The following CNTNAP2 variants were observed in gnomAD, a reference collection of about 807,000 sequenced individuals.
CNTNAP2 encodes contactin-associated protein-like 2.
Under a neutral mutation model 155.2 loss-of-function variants are expected in CNTNAP2, and 98 were observed. The ratio of observed to expected loss-of-function variants is 0.63; its 90% CI spans 0.54 to 0.75. The LOEUF is 0.75. CNTNAP2 is among the 30% of genes least tolerant of loss of function. The pLI is 0.00. For synonymous variants in CNTNAP2, 651 were observed against 631.2 expected (o/e 1.03, Z -0.47); for missense variants, 1,727 against 1,688.1 (o/e 1.02, Z -0.40).
At chr7:146,646,783 G>A (rs150715728) in intron 1 of CNTNAP2, among the ~76,000 whole-genome samples, 2,149 of 152,268 alleles carry the variant, frequency 0.014, 33 homozygotes, top group Middle Eastern at 0.051. Context: ...ATAATCACAT[G>A]CAAGAGAAGC....
intron 1 of CNTNAP2, among the ~76,000 whole-genome samples, chr7:146,582,160 T>G: frequency 6.6e-6 from 1 of 152,132 alleles, no homozygotes; most frequent in East Asian, 1.9e-4. Flanking sequence ...AAAAGTCTAG[T>G]CTGGAGTGGG....
chr7:147,102,272 T>A (rs958953298), intron 4 of CNTNAP2, among the ~76,000 whole-genome samples: 1 of 46,156 alleles, frequency 2.2e-5, no homozygotes, highest in African/African-American at 2.6e-4. Context: ...TAAATGTAGG[T>A]AGGCAAAAAG....
chr7:147,006,552 G>T (rs1197638733), intron 3 of CNTNAP2, among the ~76,000 whole-genome samples: 14 of 151,718 alleles, frequency 9.2e-5, no homozygotes, highest in Non-Finnish European at 1.0e-4. Flanking sequence ...ATAAATACAA[G>T]AATTAAATAG....
intron 1 of CNTNAP2, among the ~76,000 whole-genome samples, chr7:146,510,807 C>T (rs893455727): frequency 6.6e-6 from 1 of 151,852 alleles, no homozygotes; most frequent in Non-Finnish European, 1.5e-5. Flanking sequence ...TACATAAATG[C>T]TACTGAGTTT....
intron 13 of CNTNAP2, among the ~76,000 whole-genome samples, chr7:147,837,458 A>G (rs911672633): frequency 1.3e-5 from 2 of 152,092 alleles, no homozygotes; most frequent in African/African-American, 2.4e-5. Context: ...CAGCCAAACC[A>G]TATCATTCTG....
intron 13 of CNTNAP2, among the ~76,000 whole-genome samples, chr7:147,869,712 T>C (rs908344404): frequency 4.6e-5 from 7 of 152,284 alleles, no homozygotes; most frequent in African/African-American, 1.7e-4. Flanking sequence ...GTAGTTGTGG[T>C]TTTGCTTTTC....
intron 8 of CNTNAP2, among the ~76,000 whole-genome samples, chr7:147,216,535 T>A (rs1803273534): frequency 6.8e-6 from 1 of 146,052 alleles, no homozygotes; most frequent in Non-Finnish European, 1.5e-5. Flanking sequence ...TGCCTATTCC[T>A]TCACCAACAC....
At chr7:148,022,698 T>TA (rs1014028941) in intron 15 of CNTNAP2, among the ~76,000 whole-genome samples, 1 of 90,780 alleles carries the variant, frequency 1.1e-5, no homozygotes, top group African/African-American at 5.3e-5. Flanking sequence ...AGTTTGCTTT[T>TA]TTGTTTGTTT....
At chr7:147,304,453 CAGTATG>C (rs1207182237) in intron 9 of CNTNAP2, among the ~76,000 whole-genome samples, 8 of 152,074 alleles carry the variant, frequency 5.3e-5, no homozygotes, top group African/African-American at 1.4e-4. Flanking sequence ...TATGAGACAG[CAGTATG>C]ATTTTTAAAT....
At chr7:147,559,572 T>A (rs1800019175) in intron 11 of CNTNAP2, among the ~76,000 whole-genome samples, 1 of 152,044 alleles carries the variant, frequency 6.6e-6, no homozygotes, top group African/African-American at 2.4e-5. Context: ...AAGACAATGA[T>A]AAGGAGTTTT....
intron 12 of CNTNAP2, among the ~76,000 whole-genome samples, chr7:147,605,295 TA>T (rs1801039165): frequency 6.6e-6 from 1 of 152,110 alleles, no homozygotes; most frequent in South Asian, 2.1e-4. Flanking sequence ...GTAGACACAT[TA>T]ACATGAAACA....
chr7:147,551,667 C>T (rs1166098740), intron 11 of CNTNAP2, among the ~76,000 whole-genome samples: 4 of 152,150 alleles, frequency 2.6e-5, no homozygotes, highest in African/African-American at 9.7e-5. Context: ...AAATCAGATG[C>T]TAATATCTTG....
intron 12 of CNTNAP2, among the ~76,000 whole-genome samples, chr7:147,575,440 A>G (rs1287086661): frequency 1.5e-5 from 1 of 68,546 alleles, no homozygotes; most frequent in Non-Finnish European, 3.0e-5. Context: ...TGTGTGTGTG[A>G]GTGTGTGTAT....
At chr7:147,423,935 C>G (rs1797337141) in intron 10 of CNTNAP2, among the ~76,000 whole-genome samples, 1 of 152,190 alleles carries the variant, frequency 6.6e-6, no homozygotes, top group Admixed American at 6.5e-5. Context: ...TTGCTCCTCT[C>G]TCTTTCCTAA....
chr7:148,159,173 C>A (rs899555086), intron 17 of CNTNAP2, among the ~76,000 whole-genome samples: 1 of 152,144 alleles, frequency 6.6e-6, no homozygotes, highest in African/African-American at 2.4e-5. Flanking sequence ...GTGGGTCTCT[C>A]TTCCTTTCAT....
chr7:146,629,619 C>T (rs1421818156), intron 1 of CNTNAP2, among the ~76,000 whole-genome samples: 1 of 152,048 alleles, frequency 6.6e-6, no homozygotes, highest in Admixed American at 6.6e-5. Flanking sequence ...TTTCCAACAA[C>T]CCTGATAATC....
In CNTNAP2 at chr7:147,031,936, C is replaced by A. The variant is rs79152419; in HGVS notation, c.403-11971C>A. Among the ~76,000 whole-genome samples the A allele has an allele frequency of 3.4e-3, 519 of 152,190 alleles. 4 individuals are homozygous for A. The highest frequency in any genetic ancestry group is 0.012 in the African/African-American group (492 of 41,536). On this transcript the variant is annotated intron_variant, in intron 3 of 23. Coordinates refer to ENST00000361727, the MANE Select transcript of CNTNAP2 (RefSeq NM_014141.6). Reference sequence around the variant, plus strand: ...CTGTCAAAACAAAAGGCAAAATTAACTATGGTTATAGAAATCAGAAAAGTG... The same window carrying A: ...CTGTCAAAACAAAAGGCAAAATTAAATATGGTTATAGAAATCAGAAAAGTG...
intron 1 of CNTNAP2, among the ~76,000 whole-genome samples, chr7:146,460,410 G>A (rs1796619431): frequency 6.6e-6 from 1 of 152,104 alleles, no homozygotes; most frequent in Admixed American, 6.6e-5. Flanking sequence ...CTATGATCTA[G>A]CAATCTTACT....
At chr7:148,047,420 A>G (rs1802793502) in intron 15 of CNTNAP2, among the ~76,000 whole-genome samples, 1 of 152,190 alleles carries the variant, frequency 6.6e-6, no homozygotes. Flanking sequence ...AATGTCTGAA[A>G]AAAGCTTATC....
Sources: allele counts gnomAD v4.1 joint callset (sites outside exome capture counted in the v4.1 genomes callset), GRCh38; gene constraint gnomAD v4.1.1; transcripts MANE v1.5; gene names NCBI Gene and HGNC (gene_info 2026-07-23, HGNC 2026-07-21).